Variants in TRABD2B observed in about 807,000 individuals in gnomAD.
TRABD2B encodes TraB domain containing 2B, also known as metalloprotease TIKI2.
A neutral mutation model predicts 40.1 loss-of-function variants in TRABD2B; 14 were observed. The ratio of observed to expected loss-of-function variants is 0.35; its 90% CI spans 0.23 to 0.55. The LOEUF (loss-of-function observed/expected upper bound fraction) is 0.55. Among genes scored for constraint, TRABD2B ranks in the 20% least tolerant of loss-of-function variants. The probability of loss-of-function intolerance (pLI) is 0.90; values close to 1 mark genes in which losing one functional copy is unlikely to be tolerated. For missense variants in TRABD2B, 541 were observed against 648.6 expected (o/e 0.83, Z 1.80); for synonymous variants, 263 against 277.0 (o/e 0.95, Z 0.50).
chr1:47,894,160 C>T (rs1047856982), intron 2 of TRABD2B, among the ~76,000 whole-genome samples: 10 of 152,056 alleles, frequency 6.6e-5, no homozygotes, highest in Admixed American at 3.3e-4. Context: ...GGGGGTGTTG[C>T]GGATGCAGCC....
intron 2 of TRABD2B, among the ~76,000 whole-genome samples, chr1:47,858,253 ATTTTAT>A (rs1643917697): frequency 2.5e-5 from 2 of 79,742 alleles, no homozygotes; most frequent in South Asian, 3.5e-4. Context: ...ATTTTATTTT[ATTTTAT>A]TTTATTTTAT....
At chr1:47,823,923 C>T (rs1645142669) in intron 2 of TRABD2B, among the ~76,000 whole-genome samples, 1 of 152,178 alleles carries the variant, frequency 6.6e-6, no homozygotes, top group Non-Finnish European at 1.5e-5. Flanking sequence ...CTGGGGCCTG[C>T]CTGCAATGGC....
Position 47,927,022 on chromosome 1 carries a change from A to G in TRABD2B, c.666+67012T>C, listed in dbSNP as rs139836166. 6.9e-4 allele frequency among the ~76,000 whole-genome samples: 105 copies of G among 152,358 alleles called. 1 individual carries two copies. The highest frequency in any genetic ancestry group is 2.5e-3 in the African/African-American group (103 of 41,594). On this transcript the variant is annotated intron_variant, in intron 2 of 6. Transcript: ENST00000606738. ...CTATGGTAGGCAAGTGCTGGATTGT[A>G]TGACGCAGGCCAAGTTCAAAGAAAG...
At chr1:47,899,089 G>A (rs76368421) in intron 2 of TRABD2B, among the ~76,000 whole-genome samples, 315 of 152,328 alleles carry the variant, frequency 2.1e-3, no homozygotes, top group African/African-American at 7.5e-3. Context: ...CCTGGCCTGG[G>A]CCCATAAGGG....
intron 4 of TRABD2B, among the ~76,000 whole-genome samples, chr1:47,784,676 G>T (rs1255693519): frequency 6.6e-6 from 1 of 152,222 alleles, no homozygotes; most frequent in Non-Finnish European, 1.5e-5. Context: ...TCCTGAGGAA[G>T]TATGACAGGA....
intron 2 of TRABD2B, among the ~76,000 whole-genome samples, chr1:47,963,568 GA>G (rs1278714828): frequency 1.3e-5 from 2 of 152,218 alleles, no homozygotes; most frequent in Non-Finnish European, 2.9e-5. Flanking sequence ...GGTAAGTCAT[GA>G]AAAAAGTTAG....
chr1:47,964,137 G>A (rs1645563548), intron 2 of TRABD2B, among the ~76,000 whole-genome samples: 1 of 152,138 alleles, frequency 6.6e-6, no homozygotes, highest in South Asian at 2.1e-4. Context: ...AAGTTTCCCT[G>A]GAATGTTGGA....
chr1:47,916,221 C>A (rs760317205), intron 2 of TRABD2B, among the ~76,000 whole-genome samples: 1 of 152,178 alleles, frequency 6.6e-6, no homozygotes, highest in Non-Finnish European at 1.5e-5. Context: ...TGAGGCCCAG[C>A]CCTTACAGAA....
intron 2 of TRABD2B, among the ~76,000 whole-genome samples, chr1:47,835,684 CA>C (rs1161093140): frequency 6.6e-6 from 1 of 152,144 alleles, no homozygotes; most frequent in Non-Finnish European, 1.5e-5. Flanking sequence ...CTCTCAATAA[CA>C]AAGAAGAAAT....
intron 2 of TRABD2B, among the ~76,000 whole-genome samples, chr1:47,865,624 C>T (rs1644044313): frequency 1.3e-5 from 2 of 152,146 alleles, no homozygotes; most frequent in African/African-American, 2.4e-5. Context: ...GCACTGGATT[C>T]TCTGCCCAGC....
At chr1:47,938,393 T>C (rs149429410) in intron 2 of TRABD2B, among the ~76,000 whole-genome samples, 68 of 152,306 alleles carry the variant, frequency 4.5e-4, no homozygotes, top group African/African-American at 1.5e-3. Flanking sequence ...TTTTCACCTG[T>C]CCATCTGTTT....
intron 2 of TRABD2B, among the ~76,000 whole-genome samples, chr1:47,810,569 G>C (rs553087848): frequency 1.3e-5 from 2 of 152,162 alleles, no homozygotes; most frequent in Non-Finnish European, 2.9e-5. Context: ...GTGAGGCGAC[G>C]GACCTGTGTT....
chr1:47,956,458 A>G (rs1272087964), intron 2 of TRABD2B, among the ~76,000 whole-genome samples: 1 of 152,230 alleles, frequency 6.6e-6, no homozygotes, highest in Admixed American at 6.5e-5. Flanking sequence ...TTTCCTAGCC[A>G]AGGGAAGCCG....
In TRABD2B at chr1:47,865,215, A is replaced by T. The variant is rs75242027; in HGVS notation, c.667-63596T>A. On this transcript the variant is annotated intron_variant, in intron 2 of 6. Coordinates refer to ENST00000606738, the MANE Select transcript of TRABD2B (RefSeq NM_001194986.2). ...CCATTTCTGCCTTCAGCATCACAGTAGGGCCCAGGCCTCCTCTCCGCTTGC... is the reference window on the plus strand; with the variant it reads ...CCATTTCTGCCTTCAGCATCACAGTTGGGCCCAGGCCTCCTCTCCGCTTGC... Among the ~76,000 whole-genome samples the T allele has an allele frequency of 7.1e-3, 1,075 of 152,230 alleles. 9 individuals are homozygous for T. The highest frequency in any genetic ancestry group is 8.5e-3 in the Non-Finnish European group (581 of 68,004).
chr1:47,869,054 C>T (rs1644103059), intron 2 of TRABD2B, among the ~76,000 whole-genome samples: 1 of 152,080 alleles, frequency 6.6e-6, no homozygotes. Context: ...TTTCCTCCCT[C>T]CCTCCTTCCC....
At chr1:47,874,524 G>A (rs1486325849) in intron 2 of TRABD2B, among the ~76,000 whole-genome samples, 7 of 149,118 alleles carry the variant, frequency 4.7e-5, no homozygotes, top group East Asian at 2.0e-4. Context: ...CACCCGCCTC[G>A]GCCTCCCAAA....
intron 2 of TRABD2B, among the ~76,000 whole-genome samples, chr1:47,834,279 G>A (rs957310281): frequency 5.9e-5 from 9 of 152,278 alleles, no homozygotes; most frequent in African/African-American, 1.2e-4. Context: ...TGAGGCATTC[G>A]AAAACAGCTG....
chr1:47,960,750 T>C (rs965463447), intron 2 of TRABD2B, among the ~76,000 whole-genome samples: 1 of 152,114 alleles, frequency 6.6e-6, no homozygotes, highest in African/African-American at 2.4e-5. Context: ...CGCTCATGGA[T>C]AGGAAGAATC....
intron 2 of TRABD2B, among the ~76,000 whole-genome samples, chr1:47,984,443 GC>G (rs1645889086): frequency 6.6e-6 from 1 of 152,268 alleles, no homozygotes; most frequent in Non-Finnish European, 1.5e-5. Flanking sequence ...AACGCGTCAT[GC>G]ACAGAGCGCT....
Sources: allele counts gnomAD v4.1 joint callset (sites outside exome capture counted in the v4.1 genomes callset), GRCh38; gene constraint gnomAD v4.1.1; transcripts MANE v1.5; gene names NCBI Gene and HGNC (gene_info 2026-07-23, HGNC 2026-07-21).